Variants in SERGEF observed in about 807,000 individuals in gnomAD.
SERGEF encodes secretion-regulating guanine nucleotide exchange factor.
Under a neutral mutation model 50.0 loss-of-function variants are expected in SERGEF, and 51 were observed. The observed-to-expected ratio is 1.02, with a 90% CI of 0.81 to 1.29. SERGEF has a LOEUF of 1.29. Among genes scored for constraint, SERGEF ranks in the 50% most tolerant of loss-of-function variants. The pLI is 0.00. For missense variants in SERGEF, 521 were observed against 557.0 expected, an observed-to-expected ratio of 0.94 and a Z score of 0.65; for synonymous variants, 205 against 212.4, an observed-to-expected ratio of 0.97 and a Z score of 0.30.
chr11:17,791,685 C>T (rs564468313), intron 10 of SERGEF, among the ~76,000 whole-genome samples: 4 of 152,342 alleles, frequency 2.6e-5, no homozygotes, highest in African/African-American at 9.6e-5. Flanking sequence ...ACTAGTTGTG[C>T]CGCTTCAAGC....
intron 9 of SERGEF, among the ~76,000 whole-genome samples, chr11:17,946,411 A>G (rs575570700): frequency 1.3e-5 from 2 of 152,300 alleles, no homozygotes; most frequent in East Asian, 3.9e-4. Context: ...TCTGGCATCT[A>G]CTGGGACTTG....
At chr11:17,995,196 A>C (rs1404764334) in intron 6 of SERGEF, among the ~76,000 whole-genome samples, 5 of 152,150 alleles carry the variant, frequency 3.3e-5, no homozygotes, top group Admixed American at 3.3e-4. Context: ...GGCAGAACAC[A>C]TATTACCTAC....
intron 8 of SERGEF, among the ~76,000 whole-genome samples, chr11:17,960,054 T>C (rs1227576859): frequency 6.6e-6 from 1 of 152,052 alleles, no homozygotes; most frequent in South Asian, 2.1e-4. Flanking sequence ...CAGGGCCCCA[T>C]TTAGCCACCT....
At chr11:17,989,947 T>A (rs1454562600) in intron 7 of SERGEF, among the ~76,000 whole-genome samples, 1 of 152,260 alleles carries the variant, frequency 6.6e-6, no homozygotes, top group Non-Finnish European at 1.5e-5. Context: ...TTTTGAACTA[T>A]GGCTCATATT....
chr11:17,841,930 G>T (rs1004945903), intron 10 of SERGEF, among the ~76,000 whole-genome samples: 2 of 152,150 alleles, frequency 1.3e-5, no homozygotes, highest in Admixed American at 1.3e-4. Flanking sequence ...TGATCCTTCA[G>T]ATCTCAGCTC....
chr11:17,927,530 G>T lies in SERGEF; in HGVS notation c.1011+31940C>A, dbSNP rs542288564. ...ACACAGAAGGAAAATGATGACCTGA[G>T]TGTTGGTCCTGGTCTCTTCCACTAA... On this transcript the variant is annotated intron_variant, in intron 9 of 10. Transcript: ENST00000265965. 3.9e-5 allele frequency among the ~76,000 whole-genome samples: 6 copies of T among 152,330 alleles called. No homozygotes were observed. In the South Asian group the frequency reaches 1.2e-3, roughly 32 times the overall value.
At chr11:17,955,259 A>G (rs1454742290) in intron 9 of SERGEF, among the ~76,000 whole-genome samples, 1 of 152,192 alleles carries the variant, frequency 6.6e-6, no homozygotes, top group Admixed American at 6.5e-5. Flanking sequence ...CCTTTTGTAC[A>G]TACCTCTAAT....
At chr11:17,912,650 C>A (rs147004252) in intron 9 of SERGEF, among the ~76,000 whole-genome samples, 1 of 152,148 alleles carries the variant, frequency 6.6e-6, no homozygotes, top group Admixed American at 6.5e-5. Flanking sequence ...TAAATAGATG[C>A]TATATTCCCA....
At chr11:17,899,731 T>A (rs1851709034) in intron 9 of SERGEF, among the ~76,000 whole-genome samples, 1 of 151,942 alleles carries the variant, frequency 6.6e-6, no homozygotes, top group East Asian at 1.9e-4. Flanking sequence ...GGCAGGAGGA[T>A]CACTTGAGGC....
chr11:17,989,952 C>T (rs1853678805), intron 7 of SERGEF, among the ~76,000 whole-genome samples: 2 of 152,174 alleles, frequency 1.3e-5, no homozygotes, highest in Admixed American at 6.5e-5. Context: ...AACTATGGCT[C>T]ATATTATATT....
At chr11:17,800,095 A>G (rs1849641553) in intron 10 of SERGEF, among the ~76,000 whole-genome samples, 1 of 152,240 alleles carries the variant, frequency 6.6e-6, no homozygotes, top group South Asian at 2.1e-4. Flanking sequence ...AAAAATTATT[A>G]CAATACAAAA....
chr11:17,894,714 G>T (rs1327536144), intron 9 of SERGEF, among the ~76,000 whole-genome samples: 5 of 152,156 alleles, frequency 3.3e-5, no homozygotes, highest in Non-Finnish European at 7.3e-5. Context: ...TGACACATTA[G>T]TACTCAGGAA....
chr11:17,810,896 G>T lies in SERGEF; in HGVS notation c.1049-22483C>A, dbSNP rs188164139. Among the ~76,000 whole-genome samples, 24 of 152,230 alleles carry T rather than the reference G, an allele frequency of 1.6e-4. 1 individual carries two copies. The highest frequency in any genetic ancestry group is 1.4e-3 in the Admixed American group (22 of 15,302). On this transcript the variant is annotated intron_variant, in intron 10 of 10. Transcript: ENST00000265965. The stretch of plus-strand genomic sequence containing the variant: ...GCCAAGCCTAGCCACCGGACTGGGG[G>T]TGAGAACAGAGATGATACATTCAAA...
At position 17,991,425 on chromosome 11, in the gene SERGEF, A is replaced by C. The variant is rs1853709216; in HGVS notation, c.685+1506T>G. ...TTCAAATTAATTAGAACAAAACAGA[A>C]ACACCTCGTAGTCTACTTTTATTCT... On this transcript the variant is annotated intron_variant, in intron 7 of 10. Coordinates refer to ENST00000265965, the MANE Select transcript of SERGEF (RefSeq NM_012139.4). This position sits in a 1 kb window ranked among gnomAD's most constrained non-coding sequence, Gnocchi z 4.9. Among the ~76,000 whole-genome samples, 1 of 152,138 alleles carries C rather than the reference A, an allele frequency of 6.6e-6. No individual in the cohort carries two copies. The highest frequency in any genetic ancestry group is 2.4e-5 in the African/African-American group (1 of 41,406).
At chr11:18,012,771 C>A in intron 1 of SERGEF, 180 bp downstream of exon 1, 1 of 1,395,882 alleles carries the variant, frequency 7.2e-7, no homozygotes. Flanking sequence ...GAAGACCCTT[C>A]CTTCCCCGCC....
chr11:17,831,922 T>C (rs535147527), intron 10 of SERGEF, among the ~76,000 whole-genome samples: 11 of 152,326 alleles, frequency 7.2e-5, no homozygotes, highest in Admixed American at 7.2e-4. Context: ...AGGCTCTCCC[T>C]GACTCTTGCC....
chr11:17,820,875 G>C (rs1290727264), intron 10 of SERGEF, among the ~76,000 whole-genome samples: 1 of 152,162 alleles, frequency 6.6e-6, no homozygotes, highest in Non-Finnish European at 1.5e-5. Flanking sequence ...GCAGGGACTG[G>C]AGTGATGTGG....
intron 10 of SERGEF, among the ~76,000 whole-genome samples, chr11:17,851,431 G>A (rs1359296262): frequency 1.3e-5 from 2 of 152,114 alleles, no homozygotes; most frequent in African/African-American, 2.4e-5. Flanking sequence ...TGTGTATCTA[G>A]TAGTTTGCAT....
intron 9 of SERGEF, among the ~76,000 whole-genome samples, chr11:17,918,298 G>A (rs1231030702): frequency 2.0e-5 from 3 of 152,216 alleles, no homozygotes; most frequent in Non-Finnish European, 4.4e-5. Context: ...TGGAACTAGT[G>A]AGAGAACTAC....
Sources: gnomAD v4.1 joint callset for allele counts (sites outside exome capture counted in the v4.1 genomes callset) on GRCh38, gnomAD v4.1.1 for gene constraint, Gnocchi (gnomAD v3.1) non-coding constraint, MANE v1.5 for transcripts, NCBI Gene and HGNC (gene_info 2026-07-23, HGNC 2026-07-21) for gene names.